The following MYO1B variants were observed in gnomAD, a reference collection of about 807,000 sequenced individuals.
The protein encoded by MYO1B is myosin IB.
Under a neutral mutation model 159.7 loss-of-function variants are expected in MYO1B, and 72 were observed. The ratio of observed to expected loss-of-function variants is 0.45; its 90% CI spans 0.37 to 0.55. MYO1B has a LOEUF of 0.55. Ranked by LOEUF, MYO1B falls within the 20% of genes least tolerant of loss-of-function variation. The pLI is 0.00. For synonymous variants in MYO1B, 468 were observed against 473.8 expected, an observed-to-expected ratio of 0.99 and a Z score of 0.16; for missense variants, 1,062 against 1,364.8, an observed-to-expected ratio of 0.78 and a Z score of 3.50.
In MYO1B at chr2:191,364,149, T is replaced by C; in HGVS notation, c.914-9T>C. On this transcript the variant is annotated splice_polypyrimidine_tract_variant and intron_variant, in intron 10 of 30. Transcript: ENST00000392318. Reference sequence around the variant, plus strand: ...TCACTTTTTGTGTCCATCCCCTGCCTTCCCACAGAGTTAAAAGAAATTTGT... The same window carrying C: ...TCACTTTTTGTGTCCATCCCCTGCCCTCCCACAGAGTTAAAAGAAATTTGT... 6.2e-7 allele frequency: 1 copy of C among 1,610,998 alleles called. No homozygotes were observed. The highest frequency in any genetic ancestry group is 1.7e-5 in the Admixed American group (1 of 59,988).
At chr2:191,260,254 C>CTTTTTTTTT (rs57237733) in intron 1 of MYO1B, among the ~76,000 whole-genome samples, 1,160 of 60,936 alleles carry the variant, frequency 0.019, 252 homozygotes, top group Non-Finnish European at 0.027. Context: ...CCCAGATAGG[C>CTTTTTTTTT]TTTTTTTTTT....
chr2:191,365,591 G>A (rs1165980922), intron 11 of MYO1B, among the ~76,000 whole-genome samples: 2 of 152,114 alleles, frequency 1.3e-5, no homozygotes, highest in Non-Finnish European at 2.9e-5. Context: ...CAGATACGAA[G>A]TAACTTACTT....
chr2:191,321,029 T>C (rs1203819507), intron 3 of MYO1B, among the ~76,000 whole-genome samples: 1 of 151,896 alleles, frequency 6.6e-6, no homozygotes. Context: ...TAGAGGAGAG[T>C]GTTTTACATT....
chr2:191,370,451 CTT>C (rs1161248942), intron 13 of MYO1B, among the ~76,000 whole-genome samples, 159 bp downstream of exon 13: 1 of 151,952 alleles, frequency 6.6e-6, no homozygotes, highest in Non-Finnish European at 1.5e-5. Context: ...GCCAACAAAT[CTT>C]TGTGTAGATG....
chr2:191,275,787 C>T (rs138660385), intron 1 of MYO1B, among the ~76,000 whole-genome samples: 1 of 152,286 alleles, frequency 6.6e-6, no homozygotes, highest in East Asian at 1.9e-4. Flanking sequence ...GAGAATGGCC[C>T]AGATGAATTT....
rs61260117 is a variant in MYO1B at position 191,300,655 on chromosome 2, T to TTTTTTTTTA, written c.251+4429_251+4430insTTTTTTTTA. Among the ~76,000 whole-genome samples the TTTTTTTTTA allele has an allele frequency of 1.9e-3, 283 of 145,198 alleles. 5 individuals are homozygous for TTTTTTTTTA. The highest frequency in any genetic ancestry group is 3.6e-3 in the Non-Finnish European group (240 of 66,178). ...GTGCGCAGCCTTTTTTTTTTTTTTT[T>TTTTTTTTTA]AAGAGATGAGGTCTTGCTATGTTGT... is the stretch of plus-strand genomic sequence containing the variant. On this transcript the variant is annotated intron_variant, in intron 3 of 30. Coordinates refer to ENST00000392318, the MANE Select transcript of MYO1B (RefSeq NM_001130158.3).
chr2:191,341,376 G>A (rs1574466800), intron 4 of MYO1B, 85 bp from the exon 5 acceptor site: 4 of 1,025,048 alleles, frequency 3.9e-6, no homozygotes, highest in Admixed American at 4.1e-5. Context: ...TGCCGTTAGT[G>A]GGTCTTCTCC....
At chr2:191,294,189 G>C (rs184648347) in intron 2 of MYO1B, among the ~76,000 whole-genome samples, 15 of 152,280 alleles carry the variant, frequency 9.9e-5, no homozygotes, top group African/African-American at 2.9e-4. Context: ...TTTTGATTTT[G>C]AATTTGAGGC....
chr2:191,302,744 G>A (rs560644394), intron 3 of MYO1B, among the ~76,000 whole-genome samples: 11 of 152,336 alleles, frequency 7.2e-5, no homozygotes, highest in African/African-American at 2.4e-4. Flanking sequence ...ACAAGGTGAA[G>A]CAGTCTTTCC....
chr2:191,369,391 G>A (rs924131995), intron 11 of MYO1B, 151 bp from the exon 12 acceptor site: 2 of 578,652 alleles, frequency 3.5e-6, no homozygotes, highest in African/African-American at 3.7e-5. Context: ...TCTCTTAAAG[G>A]TTTGATTGTT....
intron 1 of MYO1B, among the ~76,000 whole-genome samples, chr2:191,247,756 A>C (rs529199642): frequency 6.6e-6 from 1 of 152,386 alleles, no homozygotes; most frequent in South Asian, 2.1e-4. Context: ...AATGTAAAGC[A>C]TCTGAACATT....
chr2:191,275,190 CA>C (rs1271854473), intron 1 of MYO1B, among the ~76,000 whole-genome samples: 1 of 152,154 alleles, frequency 6.6e-6, no homozygotes. Flanking sequence ...AGGCATGAGC[CA>C]CCGCACCTGG....
rs532641063 is a variant in MYO1B at position 191,292,057 on chromosome 2, A to G, written c.136-4054A>G. Among the ~76,000 whole-genome samples the G allele has an allele frequency of 2.0e-5, 3 of 152,360 alleles. No homozygotes were observed. The South Asian group carries it at 6.2e-4, about 32-fold the overall frequency. On this transcript the variant is annotated intron_variant, in intron 2 of 30. Transcript: ENST00000392318. The stretch of plus-strand genomic sequence containing the variant: ...ATAGAACTTTGAGGAAGAAATCCAT[A>G]AACAGAAAGGGCAGGTATAGGATGA...
chr2:191,321,201 T>TA (rs1232729001), intron 3 of MYO1B, among the ~76,000 whole-genome samples: 1 of 152,158 alleles, frequency 6.6e-6, no homozygotes, highest in African/African-American at 2.4e-5. Flanking sequence ...CATCTGTCTG[T>TA]AAAAAATCAG....
chr2:191,367,863 T>C (rs1399365335), intron 11 of MYO1B, among the ~76,000 whole-genome samples: 2 of 152,232 alleles, frequency 1.3e-5, no homozygotes, highest in Admixed American at 6.5e-5. Context: ...AACTGTGTGC[T>C]AGGCATTATT....
chr2:191,342,220 A>T (rs1483420087), intron 5 of MYO1B, among the ~76,000 whole-genome samples: 1 of 152,014 alleles, frequency 6.6e-6, no homozygotes, highest in African/African-American at 2.4e-5. Flanking sequence ...TGACCTTTTC[A>T]CTGTGCTTGA....
intron 1 of MYO1B, among the ~76,000 whole-genome samples, chr2:191,260,437 G>A (rs190920795): frequency 1.3e-5 from 2 of 151,604 alleles, no homozygotes; most frequent in Admixed American, 1.3e-4. Context: ...TTGTTTTGGG[G>A]TTTCTGGTGT....
chr2:191,324,037 A>G (rs1690898626), intron 3 of MYO1B, among the ~76,000 whole-genome samples: 3 of 152,042 alleles, frequency 2.0e-5, no homozygotes, highest in Admixed American at 1.3e-4. Flanking sequence ...TTGAGATTAG[A>G]TGTATAAAAA....
intron 27 of MYO1B, among the ~76,000 whole-genome samples, chr2:191,413,329 A>G (rs1445611003): frequency 2.0e-5 from 3 of 152,164 alleles, no homozygotes; most frequent in Admixed American, 1.3e-4. Flanking sequence ...CATCTAACAC[A>G]AAGCCTGTTT....
Sources: allele counts gnomAD v4.1 joint callset (sites outside exome capture counted in the v4.1 genomes callset), GRCh38; gene constraint gnomAD v4.1.1; transcripts MANE v1.5; gene names NCBI Gene and HGNC (gene_info 2026-07-23, HGNC 2026-07-21).